Variants in PIAS1 observed in about 807,000 individuals in gnomAD.
PIAS1 encodes the protein E3 SUMO-protein ligase PIAS1.
PIAS1 carries 6 observed loss-of-function variants against 71.3 expected under a neutral mutation model. The ratio of observed to expected loss-of-function variants is 0.08; its 90% CI spans 0.05 to 0.17. The LOEUF is 0.17. Ranked by LOEUF, PIAS1 falls within the 10% of genes least tolerant of loss-of-function variation. The pLI is 1.00. For synonymous variants in PIAS1, 303 were observed against 292.9 expected (o/e 1.03, Z -0.35); for missense variants, 555 against 793.6 (o/e 0.70, Z 3.61).
chr15:68,061,853 T>C (rs2091962343), intron 1 of PIAS1, among the ~76,000 whole-genome samples: 1 of 152,232 alleles, frequency 6.6e-6, no homozygotes, highest in South Asian at 2.1e-4. Context: ...GTGTTTTGTC[T>C]CTTCAGCTGT....
At chr15:68,095,780 C>T (rs2092369684) in intron 2 of PIAS1, among the ~76,000 whole-genome samples, 1 of 151,502 alleles carries the variant, frequency 6.6e-6, no homozygotes, top group African/African-American at 2.5e-5. Flanking sequence ...GTCTGCCCAC[C>T]TCGGCCTCCC....
At chr15:68,158,512 A>G (rs553426644) in intron 7 of PIAS1, among the ~76,000 whole-genome samples, 1 of 152,164 alleles carries the variant, frequency 6.6e-6, no homozygotes, top group Non-Finnish European at 1.5e-5. Flanking sequence ...AGATGATCTC[A>G]CTGAACATCT....
chr15:68,112,024 C>T (rs11856619), intron 2 of PIAS1, among the ~76,000 whole-genome samples: 56,031 of 151,962 alleles, frequency 0.37, 12,597 homozygotes, highest in East Asian at 0.79. Flanking sequence ...GATTACTTTG[C>T]GTTTTATTTC....
intron 2 of PIAS1, among the ~76,000 whole-genome samples, chr15:68,135,118 G>A (rs1309432760): frequency 4.2e-5 from 2 of 47,224 alleles, no homozygotes; most frequent in African/African-American, 8.9e-5. Flanking sequence ...CCTCCCTCCC[G>A]GACGGGGCGG....
rs554249514 is a variant in PIAS1 at position 68,186,698 on chromosome 15, A to AT, written c.1663-837dup. On this transcript the variant is annotated intron_variant, in intron 13 of 13. Coordinates refer to ENST00000249636, the MANE Select transcript of PIAS1 (RefSeq NM_016166.3). The surrounding 1 kb of genome is among the most constrained non-coding windows in gnomAD (Gnocchi z 4.4). ...GGTAAGTGCCCTATACAGGTGTATC[A>AT]TTTTTTTATCTTTTATACCATATTT... is the stretch of plus-strand genomic sequence containing the variant. 1.1e-4 allele frequency among the ~76,000 whole-genome samples: 16 copies of AT among 152,246 alleles called. No individual in the cohort carries two copies. The highest frequency in any genetic ancestry group is 3.3e-4 in the Admixed American group (5 of 15,298).
intron 2 of PIAS1, among the ~76,000 whole-genome samples, chr15:68,103,174 G>A (rs1028044012): frequency 6.6e-6 from 1 of 151,968 alleles, no homozygotes; most frequent in Non-Finnish European, 1.5e-5. Flanking sequence ...TGATCTGCCC[G>A]CCTCGCCCAC....
At chr15:68,150,540 C>A (rs2092837358) in intron 6 of PIAS1, among the ~76,000 whole-genome samples, 1 of 152,070 alleles carries the variant, frequency 6.6e-6, no homozygotes, top group Admixed American at 6.5e-5. Flanking sequence ...TAAATAGTTG[C>A]CAGTGAGAAA....
intron 6 of PIAS1, among the ~76,000 whole-genome samples, chr15:68,147,419 T>C (rs1041099960): frequency 6.6e-6 from 1 of 152,194 alleles, no homozygotes; most frequent in East Asian, 1.9e-4. Flanking sequence ...TCTATTGCTG[T>C]TTTTGTTATT....
intron 2 of PIAS1, among the ~76,000 whole-genome samples, chr15:68,124,099 A>G (rs769576879): frequency 4.6e-5 from 7 of 152,068 alleles, no homozygotes; most frequent in Non-Finnish European, 7.4e-5. Context: ...CTGTGTCTGT[A>G]TTGTCTGAAT....
intron 1 of PIAS1, among the ~76,000 whole-genome samples, chr15:68,068,326 G>A (rs908857219): frequency 3.3e-5 from 5 of 152,130 alleles, no homozygotes; most frequent in African/African-American, 9.7e-5. Flanking sequence ...CTGTGATGGC[G>A]CCACTGTACT....
rs532477742 is a variant in PIAS1 at position 68,077,567 on chromosome 15, G to C, written c.25-8739G>C. On this transcript the variant is annotated intron_variant, in intron 1 of 13. Transcript: ENST00000249636. Reference sequence around the variant, plus strand: ...AGCTTTTAAAGGTTGTGAACTCTTAGAAGTGTTTTAGCAGAGGCTGGGGGC... The same window carrying C: ...AGCTTTTAAAGGTTGTGAACTCTTACAAGTGTTTTAGCAGAGGCTGGGGGC... 1.5e-3 allele frequency among the ~76,000 whole-genome samples: 226 copies of C among 152,330 alleles called. 4 individuals carry two copies. The highest frequency in any genetic ancestry group is 5.2e-3 in the African/African-American group (215 of 41,588).
intron 2 of PIAS1, among the ~76,000 whole-genome samples, chr15:68,090,096 T>G (rs1167560579): frequency 6.6e-6 from 1 of 151,742 alleles, no homozygotes; most frequent in African/African-American, 2.4e-5. Context: ...GCCAGGCTGG[T>G]CTCGAACTCC....
chr15:68,128,157 G>GA (rs1396381209), intron 2 of PIAS1, among the ~76,000 whole-genome samples: 1 of 152,050 alleles, frequency 6.6e-6, no homozygotes, highest in Non-Finnish European at 1.5e-5. Context: ...GAATCACCTG[G>GA]AAAACTTTAT....
At chr15:68,072,655 G>A (rs929059340) in intron 1 of PIAS1, among the ~76,000 whole-genome samples, 2 of 152,020 alleles carry the variant, frequency 1.3e-5, no homozygotes, top group Non-Finnish European at 2.9e-5. Flanking sequence ...TCTTCTTAAT[G>A]TTATGCCTTC....
At chr15:68,100,536 T>C (rs1166503711) in intron 2 of PIAS1, among the ~76,000 whole-genome samples, 1 of 152,202 alleles carries the variant, frequency 6.6e-6, no homozygotes, top group Non-Finnish European at 1.5e-5. Context: ...TGTAGTTTCA[T>C]TTGTTTAAAC....
At chr15:68,101,116 T>C (rs2092421143) in intron 2 of PIAS1, among the ~76,000 whole-genome samples, 1 of 152,080 alleles carries the variant, frequency 6.6e-6, no homozygotes, top group African/African-American at 2.4e-5. Flanking sequence ...GCCAGGCTGG[T>C]CTCAAACTCC....
intron 2 of PIAS1, among the ~76,000 whole-genome samples, chr15:68,091,948 ATTG>A (rs925659902): frequency 3.3e-5 from 5 of 152,292 alleles, no homozygotes; most frequent in Admixed American, 3.3e-4. Context: ...AAGTTGGAAA[ATTG>A]TTAAGTCGAG....
chr15:68,133,681 T>TAAAATATGAACTAAAATTCC (rs142531751), intron 2 of PIAS1, among the ~76,000 whole-genome samples: 2 of 116 alleles, frequency 0.017, 1 homozygote, highest in African/African-American at 0.018. Flanking sequence ...TTTAGATTTT[T>TAAAATATGAACTAAAATTCC]ATTTTTATTT....
At chr15:68,072,078 A>G (rs926423818) in intron 1 of PIAS1, among the ~76,000 whole-genome samples, 1 of 151,568 alleles carries the variant, frequency 6.6e-6, no homozygotes, top group Admixed American at 6.6e-5. Context: ...CCACATGTGG[A>G]TATCTGTGTA....
Sources: allele counts gnomAD v4.1 joint callset (sites outside exome capture counted in the v4.1 genomes callset), GRCh38; gene constraint gnomAD v4.1.1; non-coding constraint Gnocchi (gnomAD v3.1); transcripts MANE v1.5; gene names NCBI Gene and HGNC (gene_info 2026-07-23, HGNC 2026-07-21).